The following LARS1 variants were observed in gnomAD, a reference collection of about 807,000 sequenced individuals.
LARS1 encodes leucyl-tRNA synthetase 1, also known as leucine--tRNA ligase, cytoplasmic.
A neutral mutation model predicts 162.8 loss-of-function variants in LARS1; 100 were observed. That is an observed-to-expected ratio of 0.61 (90% CI 0.52 to 0.73). The LOEUF is 0.73. LARS1 is among the 30% of genes least tolerant of loss of function. The pLI, the probability that LARS1 is intolerant of heterozygous loss-of-function variation, is 0.00. For missense variants in LARS1, 1,258 were observed against 1,408.9 expected (o/e 0.89, Z 1.71); for synonymous variants, 457 against 462.8 (o/e 0.99, Z 0.16).
intron 14 of LARS1, among the ~76,000 whole-genome samples, chr5:146,150,502 C>T (rs1753222691): frequency 6.6e-6 from 1 of 152,052 alleles, no homozygotes; most frequent in Admixed American, 6.6e-5. Context: ...TGGCAGGGGC[C>T]TGTAATCCCA....
At chr5:146,162,562 C>G (rs67721586) in intron 6 of LARS1, among the ~76,000 whole-genome samples, 17 of 152,008 alleles carry the variant, frequency 1.1e-4, no homozygotes, top group African/African-American at 4.1e-4. Context: ...TTCTTAAAGG[C>G]CTTAAAATTT....
chr5:146,168,311 A>T (rs773069849), intron 4 of LARS1, 46 bp from the exon 5 acceptor site: 1 of 1,558,484 alleles, frequency 6.4e-7, no homozygotes, highest in Non-Finnish European at 8.6e-7. Context: ...CAAGGTAGAC[A>T]CAATTTCAGT....
intron 21 of LARS1, among the ~76,000 whole-genome samples, chr5:146,139,955 C>G (rs1752698652): frequency 6.7e-6 from 1 of 149,016 alleles, no homozygotes; most frequent in South Asian, 2.1e-4. Context: ...CTGATTAATT[C>G]ATATTATTTC....
intron 10 of LARS1, among the ~76,000 whole-genome samples, chr5:146,156,467 G>T (rs911619133): frequency 1.3e-5 from 2 of 152,122 alleles, no homozygotes; most frequent in Admixed American, 1.3e-4. Flanking sequence ...GCCGAGGTGG[G>T]TGGATCACCC....
intron 2 of LARS1, among the ~76,000 whole-genome samples, chr5:146,174,206 T>C (rs1287592901): frequency 1.4e-5 from 2 of 143,070 alleles, no homozygotes; most frequent in East Asian, 2.1e-4. Flanking sequence ...TCCCAGCACT[T>C]TGGGAGGCGG....
Position 146,120,481 on chromosome 5 carries a change from A to C in LARS1, c.3215T>G (p.Val1072Gly). 1 of 1,613,092 alleles carries C rather than the reference A, an allele frequency of 6.2e-7. No individual in the cohort carries two copies. The highest frequency in any genetic ancestry group is 1.1e-5 in the South Asian group (1 of 90,974). Residue 1072 changes from valine to glycine, a missense_variant, in exon 31 of 32, where the codon GTG becomes GGG. Coordinates refer to ENST00000394434, the MANE Select transcript of LARS1 (RefSeq NM_020117.11). ...RIEPGVSVSL[V>G]NPQPSNGHFS... is the part of the protein sequence containing the mutation. ...GTGGCCATTGGATGGCTGGGGATTC[A>C]CCAGAGAAACGGACACACCAGGCTA...
intron 1 of LARS1, among the ~76,000 whole-genome samples, chr5:146,177,871 G>A (rs559799292): frequency 3.3e-5 from 5 of 152,170 alleles, no homozygotes; most frequent in Admixed American, 1.3e-4. Flanking sequence ...AGGCCGAGGC[G>A]GGTGGATTGC....
At chr5:146,139,880 A>AG (rs1266854521) in intron 21 of LARS1, among the ~76,000 whole-genome samples, 1 of 151,448 alleles carries the variant, frequency 6.6e-6, no homozygotes, top group Admixed American at 6.6e-5. Context: ...CTCAAAAAAA[A>AG]AAAAAAAAAA....
Position 146,171,984 on chromosome 5 carries a change from C to G in LARS1, c.220G>C (p.Val74Leu), listed in dbSNP as rs936367570. 6.2e-7 allele frequency: 1 copy of G among 1,611,710 alleles called. No individual in the cohort carries two copies. The highest frequency in any genetic ancestry group is 8.5e-7 in the Non-Finnish European group (1 of 1,178,146). ...TTTCCTTTCAATCGCTGGTACCCTA[C>G]AGCAAACTACAGAAATAAAATTAAA... Reference protein sequence around the residue: ...TFSLSKCEFAVGYQRLKGKCC... With the variant: ...TFSLSKCEFALGYQRLKGKCC... Residue 74 changes from valine to leucine, a missense_variant, in exon 4 of 32, where the codon GTA (valine) becomes CTA (leucine). By Grantham distance (32) the Val-to-Leu change is conservative. Transcript: ENST00000394434.
In LARS1 at chr5:146,131,139, G is replaced by A. The variant is rs561303719; in HGVS notation, c.2397-30C>T. On this transcript the variant is annotated intron_variant, in intron 23 of 31. Coordinates refer to ENST00000394434, the MANE Select transcript of LARS1 (RefSeq NM_020117.11). ...TGAATACGGGGAAAAAAAGGTTATT[G>A]AGTTTAAAGGCACTTATACATAGCT... 5.2e-6 allele frequency: 6 copies of A among 1,161,358 alleles called. No homozygotes were observed. The East Asian group carries it at 1.5e-4, about 29-fold the overall frequency. The allele number at this position is 1,161,358 out of a possible 1,614,324, so 71.9% of individuals were successfully genotyped here. A position where few individuals can be genotyped will look rare whatever the true frequency, so the allele number is the denominator to read the frequency against.
intron 4 of LARS1, among the ~76,000 whole-genome samples, chr5:146,171,290 G>C (rs1754265800): frequency 6.6e-6 from 1 of 151,840 alleles, no homozygotes; most frequent in African/African-American, 2.4e-5. Context: ...CCAGGAGAAG[G>C]AGGTTGCAGT....
At chr5:146,131,486 GT>G (rs140490084) in intron 23 of LARS1, 69,391 of 119,066 alleles carry the variant, frequency 0.58, 17,565 homozygotes, top group Middle Eastern at 0.74. Flanking sequence ...TTGTAGCCAA[GT>G]TTTTTTTTTT....
chr5:146,127,895 G>A (rs540710306), intron 27 of LARS1, among the ~76,000 whole-genome samples: 1 of 152,130 alleles, frequency 6.6e-6, no homozygotes, highest in East Asian at 1.9e-4. Context: ...TCCAATAATG[G>A]TCTAGAATAT....
chr5:146,140,205 T>C lies in LARS1; in HGVS notation c.2147A>G (p.Lys716Arg). The C allele has an allele frequency of 6.2e-7, 1 of 1,610,668 alleles. No individual in the cohort carries two copies. The highest frequency in any genetic ancestry group is 8.5e-7 in the Non-Finnish European group (1 of 1,176,816). The part of the protein sequence containing the change: ...ANGHLLLNSE[K>R]MSKSTGNFLT... Reference sequence around the variant, plus strand: ...CTTTTAAGATGCAATAAGCCTTACCTTCTCAGAGTTCAGGAGGAGATGTCC... The same window carrying C: ...CTTTTAAGATGCAATAAGCCTTACCCTCTCAGAGTTCAGGAGGAGATGTCC... The change falls in exon 21 of 32, where the codon AAG (lysine) becomes AGG (arginine). Residue 716 changes from lysine (K) to arginine (R), a missense_variant and splice_region_variant. By Grantham distance (26) the Lys-to-Arg change is conservative (BLOSUM62 2). Coordinates refer to ENST00000394434, the MANE Select transcript of LARS1 (RefSeq NM_020117.11).
chr5:146,140,051 C>T (rs1267237451), intron 21 of LARS1, among the ~76,000 whole-genome samples, 153 bp downstream of exon 21: 2 of 152,022 alleles, frequency 1.3e-5, no homozygotes, highest in Non-Finnish European at 2.9e-5. Flanking sequence ...AAGTGATCCT[C>T]CCACCTTGGC....
Position 146,131,104 on chromosome 5 carries a change from A to G in LARS1, c.2402T>C (p.Leu801Ser). 6.5e-7 allele frequency: 1 copy of G among 1,532,024 alleles called. No homozygotes were observed. The highest frequency in any genetic ancestry group is 9.0e-7 in the Non-Finnish European group (1 of 1,116,100). 94.9% of individuals were successfully genotyped at this position (1,532,024 alleles called of 1,614,324 possible). A position where few individuals can be genotyped will look rare whatever the true frequency, so the allele number is the denominator to read the frequency against. The change falls in exon 24 of 32, where the codon TTG (leucine) becomes TCG (serine). Residue 801 changes from leucine to serine, a missense_variant. Coordinates refer to ENST00000394434, the MANE Select transcript of LARS1 (RefSeq NM_020117.11). ...ATCTGTTTTTATAATTCCTGCATTC[A>G]ATTCACTATTGAATACGGGGAAAAA... ...TFNDRVFASE[L>S]NAGIIKTDQN...
intron 31 of LARS1, among the ~76,000 whole-genome samples, chr5:146,118,670 A>G (rs1400435858): frequency 1.3e-5 from 2 of 152,228 alleles, no homozygotes; most frequent in Non-Finnish European, 2.9e-5. Context: ...CTTAAAAGAA[A>G]AAAAGACAGT....
chr5:146,153,484 A>T (rs562339884), intron 12 of LARS1, among the ~76,000 whole-genome samples: 5 of 152,360 alleles, frequency 3.3e-5, no homozygotes, highest in Non-Finnish European at 7.3e-5. Context: ...AGACATACAC[A>T]TATCACTTAA....
In LARS1 at chr5:146,128,792, A is replaced by G. The variant is rs1167966004; in HGVS notation, c.2770-10T>C. Reference sequence around the variant, plus strand: ...GTTGTTTGTCAGTCTTCTAGACGGTAAAAGAAAGGAAAAACATTCAATAGC... The same window carrying G: ...GTTGTTTGTCAGTCTTCTAGACGGTGAAAGAAAGGAAAAACATTCAATAGC... On this transcript the variant is annotated splice_polypyrimidine_tract_variant and intron_variant, in intron 26 of 31. Transcript: ENST00000394434. The G allele has an allele frequency of 6.3e-7, 1 of 1,590,498 alleles. No individual in the cohort carries two copies. The highest frequency in any genetic ancestry group is 1.9e-5 in the Admixed American group (1 of 53,532).
Sources: gnomAD v4.1 joint callset for allele counts (sites outside exome capture counted in the v4.1 genomes callset) on GRCh38, gnomAD v4.1.1 for gene constraint, MANE v1.5 for transcripts, NCBI Gene and HGNC (gene_info 2026-07-23, HGNC 2026-07-21) for gene names.